The following ADORA1 variants were observed in gnomAD, a reference collection of about 807,000 sequenced individuals.
ADORA1 encodes the protein adenosine A1 receptor.
A neutral mutation model predicts 19.9 loss-of-function variants in ADORA1; 6 were observed. That is an observed-to-expected ratio of 0.30 (90% confidence interval 0.17 to 0.59). ADORA1 has a LOEUF of 0.59. Among genes scored for constraint, ADORA1 ranks in the 20% least tolerant of loss-of-function variants. The pLI is 0.87. For synonymous variants in ADORA1, 194 were observed against 188.4 expected (o/e 1.03, Z -0.24); for missense variants, 302 against 439.2 (o/e 0.69, Z 2.79).
intron 3 of ADORA1, among the ~76,000 whole-genome samples, chr1:203,147,075 C>T (rs1423921536): frequency 6.6e-6 from 1 of 152,244 alleles, no homozygotes; most frequent in African/African-American, 2.4e-5. Context: ...TAAACACTAA[C>T]CATCCAAGTT....
chr1:203,133,798 G>A (rs1300237803), intron 3 of ADORA1, among the ~76,000 whole-genome samples: 1 of 152,230 alleles, frequency 6.6e-6, no homozygotes, highest in Admixed American at 6.5e-5. Flanking sequence ...AAGGAGTGGT[G>A]GAGGAGCTCG....
At position 203,138,824 on chromosome 1, in the gene ADORA1, A is replaced by T. The variant is rs1456307043; in HGVS notation, c.341+9642A>T. On this transcript the variant is annotated intron_variant, in intron 3 of 3. Coordinates refer to ENST00000337894, the MANE Select transcript of ADORA1 (RefSeq NM_000674.3). ...TCTTACTCTGGGATTTTATTTATTT[A>T]TTTATTTACTTTGAGACAGAGTCTC... Among the ~76,000 whole-genome samples, 4 of 151,972 alleles carry T rather than the reference A, an allele frequency of 2.6e-5. No individual in the cohort carries two copies. In the East Asian group the frequency reaches 7.7e-4, roughly 29 times the overall value.
intron 3 of ADORA1, among the ~76,000 whole-genome samples, chr1:203,154,930 C>T (rs1158874398): frequency 6.6e-6 from 1 of 152,112 alleles, no homozygotes; most frequent in South Asian, 2.1e-4. Flanking sequence ...CCCACCCCCT[C>T]TTCCTTCTTT....
intron 3 of ADORA1, among the ~76,000 whole-genome samples, chr1:203,153,970 A>T (rs1019818373): frequency 1.3e-5 from 2 of 152,124 alleles, no homozygotes; most frequent in African/African-American, 4.8e-5. Context: ...CCCAGCCAAG[A>T]GTGAGGGAAC....
At chr1:203,138,887 C>T (rs771251221) in intron 3 of ADORA1, among the ~76,000 whole-genome samples, 17 of 152,090 alleles carry the variant, frequency 1.1e-4, no homozygotes, top group Admixed American at 2.6e-4. Flanking sequence ...GGCATGATCT[C>T]GGCTCACTGC....
chr1:203,131,790 T>C (rs1654347666), intron 3 of ADORA1, among the ~76,000 whole-genome samples: 1 of 152,200 alleles, frequency 6.6e-6, no homozygotes, highest in South Asian at 2.1e-4. Flanking sequence ...AGGAACAGCA[T>C]GCTTTGCTCC....
At position 203,165,952 on chromosome 1, in the gene ADORA1, C is replaced by T. The variant is rs530740427; in HGVS notation, c.*52C>T. 1.3e-6 allele frequency: 2 copies of T among 1,505,150 alleles called. No individual in the cohort carries two copies. Among genetic ancestry groups the T allele is most frequent in the African/African-American group, 1.4e-5 (1 of 71,784 alleles). 93.2% of individuals were successfully genotyped at this position (1,505,150 alleles called of 1,614,324 possible). On this transcript the variant is annotated 3_prime_UTR_variant, in exon 4 of 4. Coordinates refer to ENST00000337894, the MANE Select transcript of ADORA1 (RefSeq NM_000674.3). This position sits in a 1 kb window ranked among gnomAD's most constrained non-coding sequence, Gnocchi z 5.9. Reference sequence around the variant, plus strand: ...ACATCCAGTGGGGTCTCAGTCCAGTCCTCACATGCCCGCTGTCCCAGGGGT... The same window carrying T: ...ACATCCAGTGGGGTCTCAGTCCAGTTCTCACATGCCCGCTGTCCCAGGGGT...
At chr1:203,138,262 C>T (rs547914359) in intron 3 of ADORA1, among the ~76,000 whole-genome samples, 1 of 152,256 alleles carries the variant, frequency 6.6e-6, no homozygotes, top group African/African-American at 2.4e-5. Context: ...GTCTAACAGA[C>T]ATCTCAGTGG....
chr1:203,140,914 A>G (rs1441047667), intron 3 of ADORA1, among the ~76,000 whole-genome samples: 2 of 152,194 alleles, frequency 1.3e-5, no homozygotes, highest in Non-Finnish European at 2.9e-5. Context: ...TGGCCTCTGC[A>G]TGCCTCCAGG....
At chr1:203,149,727 G>A (rs1278833574) in intron 3 of ADORA1, among the ~76,000 whole-genome samples, 1 of 152,190 alleles carries the variant, frequency 6.6e-6, no homozygotes, top group Non-Finnish European at 1.5e-5. Flanking sequence ...CAGGGGGGAT[G>A]TTGTTGTTGA....
At position 203,166,184 on chromosome 1, in the gene ADORA1, A is replaced by C; in HGVS notation, c.*284A>C. 2.3e-5 allele frequency: 8 copies of C among 340,436 alleles called. No individual in the cohort carries two copies. The highest frequency in any genetic ancestry group is 4.2e-5 in the Non-Finnish European group (8 of 189,492). 21.1% of individuals were successfully genotyped at this position (340,436 alleles called of 1,614,324 possible). A position where few individuals can be genotyped will look rare whatever the true frequency, so the allele number is the denominator to read the frequency against. On this transcript the variant is annotated 3_prime_UTR_variant, in exon 4 of 4. Transcript: ENST00000337894. The stretch of plus-strand genomic sequence containing the variant: ...GAGCCCCCACCTGCCTGACCATCCC[A>C]TGAGCAGTCCAGAGCTTCAGGGCTG...
intron 3 of ADORA1, among the ~76,000 whole-genome samples, chr1:203,132,102 A>C (rs1185553129): frequency 6.6e-6 from 1 of 152,176 alleles, no homozygotes; most frequent in Non-Finnish European, 1.5e-5. Flanking sequence ...TCCAGTTACA[A>C]AATTTTTTCT....
Position 203,166,074 on chromosome 1 carries a change from T to G in ADORA1, c.*174T>G. ...TGTGGTCCCTCCACTAGGAGTTAAC[T>G]ACCCTACACCTCTGGGCCCTGCAGG... On this transcript the variant is annotated 3_prime_UTR_variant, in exon 4 of 4. Coordinates refer to ENST00000337894, the MANE Select transcript of ADORA1 (RefSeq NM_000674.3). The G allele has an allele frequency of 6.1e-6, 5 of 813,968 alleles. No individual in the cohort carries two copies. Among genetic ancestry groups the G allele is most frequent in the African/African-American group, 1.7e-5 (1 of 58,102 alleles). The allele number at this position is 813,968 out of a possible 1,614,324, so 50.4% of individuals were successfully genotyped here.
At chr1:203,151,324 A>C (rs1041951248) in intron 3 of ADORA1, among the ~76,000 whole-genome samples, 1 of 152,104 alleles carries the variant, frequency 6.6e-6, no homozygotes, top group African/African-American at 2.4e-5. Flanking sequence ...CAGGTTCCCA[A>C]ACCCCCACCC....
intron 3 of ADORA1, among the ~76,000 whole-genome samples, chr1:203,146,198 C>G (rs1654853554): frequency 1.3e-5 from 2 of 152,118 alleles, no homozygotes; most frequent in Admixed American, 1.3e-4. Flanking sequence ...GGCATCTCCT[C>G]AATGTCAGGG....
rs928562926 is a variant in ADORA1 at position 203,136,186 on chromosome 1, A to G, written c.341+7004A>G. Among the ~76,000 whole-genome samples the G allele has an allele frequency of 2.6e-5, 4 of 152,180 alleles. No homozygotes were observed. The East Asian group carries it at 5.8e-4, about 22-fold the overall frequency. On this transcript the variant is annotated intron_variant, in intron 3 of 3. Coordinates refer to ENST00000337894, the MANE Select transcript of ADORA1 (RefSeq NM_000674.3). ...TAATTCAAGCCCAGAGGGAACTATC[A>G]GCTGCCGCAGTCCAAAGAAAAGCCT...
intron 3 of ADORA1, chr1:203,129,677 C>T (rs996434355): frequency 6.4e-6 from 1 of 156,284 alleles, no homozygotes; most frequent in African/African-American, 2.4e-5. Flanking sequence ...CAAAGGCACG[C>T]TTTGGCTCTC....
chr1:203,162,010 C>T (rs1022047661), intron 3 of ADORA1, among the ~76,000 whole-genome samples: 1 of 152,224 alleles, frequency 6.6e-6, no homozygotes, highest in African/African-American at 2.4e-5. Context: ...AGCAGCATCT[C>T]CCTGCTTAGC....
At chr1:203,151,784 G>GCATGCATT (rs1377088179) in intron 3 of ADORA1, among the ~76,000 whole-genome samples, 1 of 81,274 alleles carries the variant, frequency 1.2e-5, no homozygotes, top group Non-Finnish European at 3.0e-5. Flanking sequence ...CTTCATGCAT[G>GCATGCATT]CATGCATTCA....
Sources: allele counts gnomAD v4.1 joint callset (sites outside exome capture counted in the v4.1 genomes callset), GRCh38; gene constraint gnomAD v4.1.1; non-coding constraint Gnocchi (gnomAD v3.1); transcripts MANE v1.5; gene names NCBI Gene and HGNC (gene_info 2026-07-23, HGNC 2026-07-21).